EHD3: variants seen among roughly 807,000 people sequenced by gnomAD.
EHD3 encodes the protein EH domain-containing protein 3.
In EHD3, 17 loss-of-function variants were observed where a neutral mutation model predicts 43.0. The ratio of observed to expected loss-of-function variants is 0.40; its 90% CI spans 0.27 to 0.59. EHD3 has a LOEUF of 0.59. Ranked by LOEUF, EHD3 falls within the 20% of genes least tolerant of loss-of-function variation. The pLI is 0.49. For missense variants in EHD3, 594 were observed against 705.6 expected (o/e 0.84, Z 1.79); for synonymous variants, 313 against 289.5 (o/e 1.08, Z -0.82).
chr2:31,234,842 T>C lies in EHD3; in HGVS notation c.221T>C (p.Phe74Ser). 6.2e-7 allele frequency: 1 copy of C among 1,614,102 alleles called. No individual in the cohort carries two copies. Among genetic ancestry groups the C allele is most frequent in the South Asian group, 1.1e-5 (1 of 91,084 alleles). Residue 74 changes from phenylalanine to serine, a missense_variant, in exon 1 of 6, where the codon TTC becomes TCC. Phe to Ser is a radical substitution (Grantham distance 155). This residue lies in a region of EHD3 where 243 missense variants were observed against 296.7 expected (regional missense o/e 0.82). Coordinates refer to ENST00000322054, the MANE Select transcript of EHD3 (RefSeq NM_014600.3). Reference sequence around the variant, plus strand: ...CAGTACTCCACTGGGAAGACCACCTTCATCAGGTGAGCCGGCCCAGGGTCC... The same window carrying C: ...CAGTACTCCACTGGGAAGACCACCTCCATCAGGTGAGCCGGCCCAGGGTCC... ...VGQYSTGKTT[F>S]IRYLLEQDFP... is the part of the protein sequence containing the mutation.
At position 31,267,530 on chromosome 2, in the gene EHD3, C is replaced by T. The variant is rs1683979302; in HGVS notation, c.*826C>T. The T allele has an allele frequency of 6.6e-6, 1 of 152,592 alleles. No individual in the cohort carries two copies. Among genetic ancestry groups the T allele is most frequent in the South Asian group, 2.1e-4 (1 of 4,832 alleles). 9.5% of individuals were successfully genotyped at this position (152,592 alleles called of 1,614,324 possible). ...CCTGCGTACCAGGAGCTGTGTTAGG[C>T]ACTTTATATACATTATTCTATGTGG... On this transcript the variant is annotated 3_prime_UTR_variant, in exon 6 of 6. Coordinates refer to ENST00000322054, the MANE Select transcript of EHD3 (RefSeq NM_014600.3).
At chr2:31,258,555 T>C (rs1251079652) in intron 3 of EHD3, among the ~76,000 whole-genome samples, 1 of 152,210 alleles carries the variant, frequency 6.6e-6, no homozygotes, top group Non-Finnish European at 1.5e-5. Context: ...GCTACCTTCC[T>C]GGACTTGAGT....
intron 1 of EHD3, among the ~76,000 whole-genome samples, chr2:31,237,817 A>G (rs1019117730): frequency 3.9e-5 from 6 of 152,218 alleles, no homozygotes; most frequent in Non-Finnish European, 8.8e-5. Context: ...TTATTCATTC[A>G]ACTAATGAAT....
intron 5 of EHD3, among the ~76,000 whole-genome samples, chr2:31,265,265 C>T (rs1478468266): frequency 1.3e-5 from 2 of 152,184 alleles, no homozygotes; most frequent in African/African-American, 2.4e-5. Context: ...AAACCAGTAA[C>T]ATAGCCGTTA....
At chr2:31,264,402 G>A (rs1334940221) in intron 5 of EHD3, among the ~76,000 whole-genome samples, 1 of 152,178 alleles carries the variant, frequency 6.6e-6, no homozygotes, top group African/African-American at 2.4e-5. Context: ...GTGAGTGAGT[G>A]TGAAGGCCTA....
At chr2:31,242,655 G>A (rs1683444242) in intron 1 of EHD3, among the ~76,000 whole-genome samples, 2 of 152,152 alleles carry the variant, frequency 1.3e-5, no homozygotes. Context: ...TTGCTTCTAT[G>A]CTAAAAAATA....
In EHD3 at chr2:31,266,722, C is replaced by T; in HGVS notation, c.*18C>T. On this transcript the variant is annotated 3_prime_UTR_variant, in exon 6 of 6. Coordinates refer to ENST00000322054, the MANE Select transcript of EHD3 (RefSeq NM_014600.3). The surrounding 1 kb of genome is among the most constrained non-coding windows in gnomAD (Gnocchi z 5.1). ...CCGAGTGATGGGGTGGGGGGACATT[C>T]AGACGGGCAGTGTTAGAGGAGGAGA... 1 of 1,576,186 alleles carries T rather than the reference C, an allele frequency of 6.3e-7. No individual in the cohort carries two copies. Among genetic ancestry groups the T allele is most frequent in the Non-Finnish European group, 8.6e-7 (1 of 1,162,196 alleles).
intron 1 of EHD3, among the ~76,000 whole-genome samples, chr2:31,237,034 C>A (rs78962598): frequency 3.9e-4 from 59 of 152,254 alleles, no homozygotes; most frequent in African/African-American, 1.4e-3. Context: ...TCCCTCTCCC[C>A]ACTCATGTCA....
chr2:31,240,001 ACTGT>A (rs1229305825), intron 1 of EHD3, among the ~76,000 whole-genome samples: 1 of 152,116 alleles, frequency 6.6e-6, no homozygotes, highest in African/African-American at 2.4e-5. Flanking sequence ...AGGAGGCTGG[ACTGT>A]CTGGCCACCA....
At position 31,266,449 on chromosome 2, in the gene EHD3, C is replaced by T; in HGVS notation, c.1353C>T (p.Ile451=). 2 of 1,613,950 alleles carry T rather than the reference C, an allele frequency of 1.2e-6. No individual in the cohort carries two copies. The highest frequency in any genetic ancestry group is 2.2e-5 in the South Asian group (2 of 91,062). Residue 451 remains isoleucine, a synonymous_variant, in exon 6 of 6, where the codon ATC becomes ATT. Transcript: ENST00000322054. This position sits in a 1 kb window ranked among gnomAD's most constrained non-coding sequence, Gnocchi z 5.1. ...VARDKPMYDE[I]FYTLSPVDGK... ...GGGACAAGCCCATGTACGACGAGAT[C>T]TTCTACACCCTGTCACCGGTGGATG...
intron 5 of EHD3, among the ~76,000 whole-genome samples, chr2:31,264,722 C>CG (rs1434611663): frequency 6.6e-6 from 1 of 151,378 alleles, no homozygotes; most frequent in Non-Finnish European, 1.5e-5. Flanking sequence ...TTAGTAGAGA[C>CG]GGGGTTTTCA....
chr2:31,269,170 A>G lies in EHD3; in HGVS notation c.*2466A>G, dbSNP rs1684007416. 1 of 152,186 alleles carries G rather than the reference A, an allele frequency of 6.6e-6. No homozygotes were observed. The highest frequency in any genetic ancestry group is 2.4e-5 in the African/African-American group (1 of 41,446). 9.4% of individuals were successfully genotyped at this position (152,186 alleles called of 1,614,324 possible). A position where few individuals can be genotyped will look rare whatever the true frequency, so the allele number is the denominator to read the frequency against. Reference sequence around the variant, plus strand: ...AGGAAACATTTAATAGGGAAAGCAGAGACATGTCATGTCAGCCCCACAGAC... The same window carrying G: ...AGGAAACATTTAATAGGGAAAGCAGGGACATGTCATGTCAGCCCCACAGAC... On this transcript the variant is annotated 3_prime_UTR_variant, in exon 6 of 6. Coordinates refer to ENST00000322054, the MANE Select transcript of EHD3 (RefSeq NM_014600.3).
At chr2:31,243,682 C>T (rs1053996095) in intron 1 of EHD3, among the ~76,000 whole-genome samples, 1 of 151,968 alleles carries the variant, frequency 6.6e-6, no homozygotes, top group African/African-American at 2.4e-5. Flanking sequence ...TCTTGAACTC[C>T]TGACCTTGTG....
chr2:31,244,469 C>A lies in EHD3; in HGVS notation c.404+19C>A, dbSNP rs763127628. 6.2e-7 allele frequency: 1 copy of A among 1,609,340 alleles called. No homozygotes were observed. On this transcript the variant is annotated intron_variant, in intron 2 of 5. Coordinates refer to ENST00000322054, the MANE Select transcript of EHD3 (RefSeq NM_014600.3). ...TGAACAGGTGAGTGTGGAGGGAACACAACACTTTCAGGTGCTCTCTTTTCT... is the reference window on the plus strand; with the variant it reads ...TGAACAGGTGAGTGTGGAGGGAACAAAACACTTTCAGGTGCTCTCTTTTCT...
intron 2 of EHD3, among the ~76,000 whole-genome samples, chr2:31,247,093 C>T (rs1002072764): frequency 6.6e-6 from 1 of 152,132 alleles, no homozygotes; most frequent in African/African-American, 2.4e-5. Flanking sequence ...GACAGGGTTT[C>T]ACCATGTTGG....
chr2:31,257,015 G>A (rs1373535828), intron 3 of EHD3, among the ~76,000 whole-genome samples: 1 of 152,228 alleles, frequency 6.6e-6, no homozygotes, highest in Non-Finnish European at 1.5e-5. Context: ...TTGCTGGACA[G>A]GTGAGAGGGA....
intron 3 of EHD3, among the ~76,000 whole-genome samples, chr2:31,250,954 A>G (rs6711401): frequency 6.6e-6 from 1 of 152,098 alleles, no homozygotes; most frequent in Non-Finnish European, 1.5e-5. Context: ...TGCCCTGCCC[A>G]TGTCTGTGCC....
chr2:31,259,130 G>A (rs1683802614), intron 3 of EHD3, among the ~76,000 whole-genome samples: 1 of 152,140 alleles, frequency 6.6e-6, no homozygotes, highest in African/African-American at 2.4e-5. Flanking sequence ...TTGTGCTATG[G>A]GGAGCCAGGA....
chr2:31,254,970 A>G (rs1683722391), intron 3 of EHD3, among the ~76,000 whole-genome samples: 1 of 152,228 alleles, frequency 6.6e-6, no homozygotes, highest in African/African-American at 2.4e-5. Flanking sequence ...ACTGCATGCC[A>G]GGCCATGATG....
Sources: allele counts gnomAD v4.1 joint callset (sites outside exome capture counted in the v4.1 genomes callset), GRCh38; gene constraint gnomAD v4.1.1; regional missense constraint gnomAD v4.1.1; non-coding constraint Gnocchi (gnomAD v3.1); transcripts MANE v1.5; gene names NCBI Gene and HGNC (gene_info 2026-07-23, HGNC 2026-07-21).